Variants in KIAA1958 observed in about 807,000 individuals in gnomAD.
KIAA1958 encodes uncharacterized protein KIAA1958.
Under a neutral mutation model 47.2 loss-of-function variants are expected in KIAA1958, and 14 were observed. That is an observed-to-expected ratio of 0.30 (90% CI 0.20 to 0.46). The LOEUF is 0.46. Among genes scored for constraint, KIAA1958 ranks in the 20% least tolerant of loss-of-function variants. The pLI, the probability that KIAA1958 is intolerant of heterozygous loss-of-function variation, is 1.00. For missense variants in KIAA1958, 803 were observed against 909.2 expected (o/e 0.88, Z 1.50); for synonymous variants, 354 against 353.3 (o/e 1.00, Z -0.02).
chr9:112,589,300 T>C (rs1835879580), intron 2 of KIAA1958, among the ~76,000 whole-genome samples: 1 of 152,184 alleles, frequency 6.6e-6, no homozygotes, highest in South Asian at 2.1e-4. Flanking sequence ...TGTTCATATT[T>C]AAGAATGCAG....
intron 3 of KIAA1958, among the ~76,000 whole-genome samples, chr9:112,651,479 G>C (rs1308035594): frequency 6.7e-6 from 1 of 150,130 alleles, no homozygotes; most frequent in African/African-American, 2.5e-5. Context: ...ACTGCAACCT[G>C]TGCCTCCCAG....
In KIAA1958 at chr9:112,574,731, A is replaced by G; in HGVS notation, c.651A>G (p.Ala217=). Residue 217 remains alanine, a synonymous_variant, in exon 2 of 4, where the codon GCA becomes GCG. Transcript: ENST00000337530. ...IPEDYYIVAN[A]ELTGGVDGPA... ...AAGATTATTACATTGTGGCAAATGC[A>G]GAACTGACAGGAGGAGTAGATGGAC... 6 of 1,614,222 alleles carry G rather than the reference A, an allele frequency of 3.7e-6. No individual in the cohort carries two copies. Among genetic ancestry groups the G allele is most frequent in the Non-Finnish European group, 5.1e-6 (6 of 1,180,028 alleles).
intron 1 of KIAA1958, among the ~76,000 whole-genome samples, chr9:112,509,704 G>C (rs143479228): frequency 6.4e-4 from 98 of 152,346 alleles, no homozygotes; most frequent in Middle Eastern, 3.4e-3. Flanking sequence ...CTGAGAATAA[G>C]ATGAAAGTTT....
chr9:112,578,700 A>G (rs1366056102), intron 2 of KIAA1958, among the ~76,000 whole-genome samples: 1 of 152,154 alleles, frequency 6.6e-6, no homozygotes, highest in Non-Finnish European at 1.5e-5. Context: ...CAATCCTGCC[A>G]TACTGCTCAA....
At chr9:112,566,049 G>A (rs543665363) in intron 1 of KIAA1958, among the ~76,000 whole-genome samples, 7 of 152,074 alleles carry the variant, frequency 4.6e-5, no homozygotes, top group Admixed American at 2.0e-4. Context: ...GACTACAGGC[G>A]CCCACAACCA....
chr9:112,539,703 G>T (rs1477286087), intron 1 of KIAA1958, among the ~76,000 whole-genome samples: 1 of 151,768 alleles, frequency 6.6e-6, no homozygotes, highest in Non-Finnish European at 1.5e-5. Flanking sequence ...GGGGGTGGGG[G>T]TTGGGTGCAT....
intron 2 of KIAA1958, among the ~76,000 whole-genome samples, chr9:112,629,969 G>A (rs193038784): frequency 6.6e-6 from 1 of 152,086 alleles, no homozygotes; most frequent in African/African-American, 2.4e-5. Context: ...CAACAAACAA[G>A]TTAAACCACG....
intron 2 of KIAA1958, among the ~76,000 whole-genome samples, chr9:112,597,206 A>G (rs1236219600): frequency 6.6e-6 from 1 of 152,208 alleles, no homozygotes; most frequent in Admixed American, 6.5e-5. Context: ...CTGCAGAGTC[A>G]TATGCTGTTG....
chr9:112,543,567 C>CTTTTTTTTTTTTTTTTTT (rs138422704), intron 1 of KIAA1958, among the ~76,000 whole-genome samples: 1 of 108,182 alleles, frequency 9.2e-6, no homozygotes, highest in Non-Finnish European at 1.9e-5. Flanking sequence ...TTCTGAGCTT[C>CTTTTTTTTTTTTTTTTTT]TTTTTTTTTT....
At chr9:112,557,137 T>C (rs1438594732) in intron 1 of KIAA1958, among the ~76,000 whole-genome samples, 4 of 147,442 alleles carry the variant, frequency 2.7e-5, no homozygotes. Context: ...TTTTCCAGTC[T>C]TTTGTAGAGA....
chr9:112,611,465 G>T (rs879672654), intron 2 of KIAA1958, among the ~76,000 whole-genome samples: 2 of 151,672 alleles, frequency 1.3e-5, no homozygotes, highest in Non-Finnish European at 2.9e-5. Flanking sequence ...ATTTCCATTT[G>T]CAGTAAGAAT....
At chr9:112,545,812 C>A (rs1192833411) in intron 1 of KIAA1958, among the ~76,000 whole-genome samples, 1 of 113,742 alleles carries the variant, frequency 8.8e-6, no homozygotes, top group Non-Finnish European at 1.8e-5. Flanking sequence ...TTTAGTGATA[C>A]ACAGGTTTCT....
intron 1 of KIAA1958, among the ~76,000 whole-genome samples, chr9:112,552,606 A>G (rs1030865463): frequency 2.0e-5 from 3 of 152,218 alleles, no homozygotes; most frequent in African/African-American, 7.2e-5. Flanking sequence ...AATATGTTAT[A>G]ACACAGGATG....
At chr9:112,523,321 T>C (rs1011004679) in intron 1 of KIAA1958, among the ~76,000 whole-genome samples, 3 of 152,106 alleles carry the variant, frequency 2.0e-5, no homozygotes, top group African/African-American at 4.8e-5. Context: ...CGTGGTGATG[T>C]ACACCTGTAG....
intron 2 of KIAA1958, among the ~76,000 whole-genome samples, chr9:112,630,243 C>T (rs184151794): frequency 3.9e-5 from 6 of 152,274 alleles, no homozygotes; most frequent in Non-Finnish European, 2.9e-5. Context: ...AAAAGAAAGC[C>T]CTGCTGCAAA....
intron 2 of KIAA1958, among the ~76,000 whole-genome samples, chr9:112,611,342 G>T (rs1397390055): frequency 6.6e-6 from 1 of 152,064 alleles, no homozygotes; most frequent in East Asian, 1.9e-4. Context: ...TTATATACTT[G>T]CAGAACCCAA....
intron 2 of KIAA1958, among the ~76,000 whole-genome samples, chr9:112,642,502 C>T (rs1216985957): frequency 6.6e-6 from 1 of 152,218 alleles, no homozygotes; most frequent in East Asian, 1.9e-4. Context: ...ATATCCCTCA[C>T]TTCACGCAGC....
intron 1 of KIAA1958, among the ~76,000 whole-genome samples, chr9:112,556,231 A>G (rs1047709759): frequency 6.6e-6 from 1 of 152,120 alleles, no homozygotes; most frequent in Non-Finnish European, 1.5e-5. Context: ...CTGGCTGTCA[A>G]TTTCTGTCCC....
At chr9:112,596,554 CT>C (rs1836036661) in intron 2 of KIAA1958, among the ~76,000 whole-genome samples, 1 of 152,108 alleles carries the variant, frequency 6.6e-6, no homozygotes, top group Non-Finnish European at 1.5e-5. Context: ...AAATACCTAA[CT>C]TTTTTTCTCT....
Sources: allele counts gnomAD v4.1 joint callset (sites outside exome capture counted in the v4.1 genomes callset), GRCh38; gene constraint gnomAD v4.1.1; transcripts MANE v1.5; gene names NCBI Gene and HGNC (gene_info 2026-07-23, HGNC 2026-07-21).